The following FMN2 variants were observed in gnomAD, a reference collection of about 807,000 sequenced individuals.
FMN2 encodes formin-2.
Under a neutral mutation model 142.3 loss-of-function variants are expected in FMN2, and 51 were observed. The ratio of observed to expected loss-of-function variants is 0.36; its 90% CI spans 0.29 to 0.45. The LOEUF (loss-of-function observed/expected upper bound fraction) is 0.45. Ranked by LOEUF, FMN2 falls within the 20% of genes least tolerant of loss-of-function variation. The pLI is 1.00. For missense variants in FMN2, 1,936 were observed against 2,122.8 expected (o/e 0.91, Z 1.73); for synonymous variants, 882 against 869.8 (o/e 1.01, Z -0.25).
chr1:240,228,851 A>C (rs1667439406), intron 6 of FMN2, among the ~76,000 whole-genome samples: 1 of 152,160 alleles, frequency 6.6e-6, no homozygotes, highest in South Asian at 2.1e-4. Flanking sequence ...TTAAAGCATA[A>C]TATAGTTTTA....
At chr1:240,296,634 G>T (rs761479949) in intron 8 of FMN2, among the ~76,000 whole-genome samples, 1 of 150,946 alleles carries the variant, frequency 6.6e-6, no homozygotes, top group African/African-American at 2.4e-5. Context: ...CTCCCTTGAG[G>T]ACTGTGTATT....
At position 240,092,889 on chromosome 1, in the gene FMN2, T is replaced by C. The variant is rs898517609; in HGVS notation, c.780T>C (p.Ala260=). 1 of 1,517,036 alleles carries C rather than the reference T, an allele frequency of 6.6e-7. No individual in the cohort carries two copies. Among genetic ancestry groups the C allele is most frequent in the Non-Finnish European group, 8.8e-7 (1 of 1,138,996 alleles). The allele number at this position is 1,517,036 out of a possible 1,614,324, so 94.0% of individuals were successfully genotyped here. The change falls in exon 1 of 18, where the codon GCT becomes GCC. Residue 260 remains alanine (A), a synonymous_variant. Coordinates refer to ENST00000319653, the MANE Select transcript of FMN2 (RefSeq NM_020066.5). ...DRFLLGPSGG[A]GEAPGSPDTE... is the part of the protein sequence containing the mutation. ...TCCTGCTGGGGCCGAGCGGCGGGGC[T>C]GGGGAGGCCCCGGGCAGTCCGGACA... is the stretch of plus-strand genomic sequence containing the variant.
intron 2 of FMN2, chr1:240,170,967 T>C: frequency 1.3e-6 from 1 of 791,668 alleles, no homozygotes; most frequent in South Asian, 1.4e-5. Flanking sequence ...ACTACTCCTT[T>C]GAATGTATTA....
At chr1:240,413,227 G>A (rs181741234) in intron 15 of FMN2, among the ~76,000 whole-genome samples, 2 of 151,398 alleles carry the variant, frequency 1.3e-5, no homozygotes, top group East Asian at 3.9e-4. Flanking sequence ...AGGATCCAGA[G>A]GGCTTCAGAA....
At position 240,091,997 on chromosome 1, in the gene FMN2, C is replaced by A; in HGVS notation, c.-113C>A. The A allele has an allele frequency of 2.2e-6, 3 of 1,379,706 alleles. No individual in the cohort carries two copies. Among genetic ancestry groups the A allele is most frequent in the South Asian group, 1.7e-5 (1 of 57,166 alleles). The allele number at this position is 1,379,706 out of a possible 1,614,324, so 85.5% of individuals were successfully genotyped here. ...GTCGGCCTCCCCTCCCAGCGGCTCC[C>A]CCCGCCGCCGCCTGACTCTCCCGGG... On this transcript the variant is annotated 5_prime_UTR_variant, in exon 1 of 18. Coordinates refer to ENST00000319653, the MANE Select transcript of FMN2 (RefSeq NM_020066.5).
chr1:240,112,833 G>A (rs1661866980), intron 1 of FMN2, among the ~76,000 whole-genome samples: 1 of 152,118 alleles, frequency 6.6e-6, no homozygotes, highest in Non-Finnish European at 1.5e-5. Context: ...CTGACCCTGT[G>A]GTCCGGGCCC....
chr1:240,474,217 A>G lies in FMN2; in HGVS notation c.*63A>G, dbSNP rs532625826. ...ACTTTCACAAAATTCAGCTGACCTG[A>G]GAGTGGGAGGGAAACTACCGTCATT... is the stretch of plus-strand genomic sequence containing the variant. On this transcript the variant is annotated 3_prime_UTR_variant, in exon 18 of 18. Coordinates refer to ENST00000319653, the MANE Select transcript of FMN2 (RefSeq NM_020066.5). The G allele has an allele frequency of 2.8e-5, 40 of 1,442,638 alleles. No individual in the cohort carries two copies. Among genetic ancestry groups the G allele is most frequent in the Non-Finnish European group, 3.5e-5 (38 of 1,074,462 alleles). 89.4% of individuals were successfully genotyped at this position (1,442,638 alleles called of 1,614,324 possible). A position where few individuals can be genotyped will look rare whatever the true frequency, so the allele number is the denominator to read the frequency against.
chr1:240,102,387 A>G (rs1661446052), intron 1 of FMN2, among the ~76,000 whole-genome samples: 1 of 152,178 alleles, frequency 6.6e-6, no homozygotes, highest in African/African-American at 2.4e-5. Context: ...TACAAGGTTT[A>G]TCTTTTAAAA....
chr1:240,182,919 C>CTT (rs66527453), intron 3 of FMN2, among the ~76,000 whole-genome samples: 2 of 138,358 alleles, frequency 1.4e-5, no homozygotes, highest in South Asian at 4.7e-4. Flanking sequence ...CTTTTCTTTT[C>CTT]TTTTTTTTTT....
intron 2 of FMN2, among the ~76,000 whole-genome samples, chr1:240,159,939 ATATATATATATCTATATCTGTG>A (rs920547008): frequency 9.3e-6 from 1 of 107,016 alleles, no homozygotes; most frequent in Non-Finnish European, 2.0e-5. Flanking sequence ...ATATTTGTGT[ATATATATATATCTATATCTGTG>A]TATATATATA....
At chr1:240,216,750 C>A (rs1187000723) in intron 6 of FMN2, among the ~76,000 whole-genome samples, 1 of 152,092 alleles carries the variant, frequency 6.6e-6, no homozygotes, top group Non-Finnish European at 1.5e-5. Flanking sequence ...GAGTTTGAGA[C>A]CAGCCTGACA....
chr1:240,182,569 C>CA (rs1665196122), intron 3 of FMN2, among the ~76,000 whole-genome samples: 1 of 151,568 alleles, frequency 6.6e-6, no homozygotes, highest in Admixed American at 6.6e-5. Flanking sequence ...ACCTTTGTTC[C>CA]AAAAAAAGAT....
intron 6 of FMN2, among the ~76,000 whole-genome samples, chr1:240,233,450 G>T (rs992882966): frequency 6.6e-6 from 1 of 151,246 alleles, no homozygotes; most frequent in Admixed American, 6.6e-5. Flanking sequence ...CTTTCTCAAA[G>T]CATGTAAAAC....
At chr1:240,280,346 G>A (rs1004422313) in intron 7 of FMN2, among the ~76,000 whole-genome samples, 1 of 147,660 alleles carries the variant, frequency 6.8e-6, no homozygotes, top group African/African-American at 2.6e-5. Context: ...ACATGTTTGT[G>A]TAGCACTACA....
chr1:240,163,421 C>T (rs539350490), intron 2 of FMN2, among the ~76,000 whole-genome samples: 57 of 152,184 alleles, frequency 3.7e-4, no homozygotes, highest in African/African-American at 1.3e-3. Flanking sequence ...ATTTATTTTC[C>T]TTATGAATTA....
At chr1:240,143,104 A>G (rs559171731) in intron 2 of FMN2, 3 of 1,539,342 alleles carry the variant, frequency 1.9e-6, no homozygotes, top group Non-Finnish European at 2.7e-6. Context: ...CCCTGTGCCA[A>G]GTGCACCATG....
intron 16 of FMN2, among the ~76,000 whole-genome samples, chr1:240,449,802 A>G (rs372258994): frequency 6.6e-6 from 1 of 152,322 alleles, no homozygotes; most frequent in East Asian, 1.9e-4. Flanking sequence ...CTTAATTGAC[A>G]AATAAAAATT....
Position 240,159,974 on chromosome 1 carries a change from T to TATATACACACACAC in FMN2, c.1783-17946_1783-17945insTATACACACACACA, listed in dbSNP as rs1202421069. Among the ~76,000 whole-genome samples the TATATACACACACAC allele has an allele frequency of 4.7e-3, 631 of 134,052 alleles. 3 individuals carry two copies. The highest frequency in any genetic ancestry group is 0.013 in the African/African-American group (444 of 35,470). 87.9% of individuals were successfully genotyped at this position (134,052 alleles called of 152,430 possible). On this transcript the variant is annotated intron_variant, in intron 2 of 17. Transcript: ENST00000319653. ...ATCTATATCTGTGTATATATATATA[T>TATATACACACACAC]ACACACACACACACACACACACACA...
At chr1:240,330,031 A>G (rs1671326167) in intron 10 of FMN2, among the ~76,000 whole-genome samples, 1 of 152,234 alleles carries the variant, frequency 6.6e-6, no homozygotes, top group South Asian at 2.1e-4. Flanking sequence ...TTGAAAAGTG[A>G]AAAGATGTTT....
Sources: allele counts gnomAD v4.1 joint callset (sites outside exome capture counted in the v4.1 genomes callset), GRCh38; gene constraint gnomAD v4.1.1; transcripts MANE v1.5; gene names NCBI Gene and HGNC (gene_info 2026-07-23, HGNC 2026-07-21).